Variants in MPDZ observed in about 807,000 individuals in gnomAD.
MPDZ encodes the protein multiple PDZ domain crumbs cell polarity complex component.
In MPDZ, 234 loss-of-function variants were observed where a neutral mutation model predicts 239.1. The observed-to-expected ratio is 0.98, with a 90% confidence interval of 0.88 to 1.09. MPDZ has a LOEUF of 1.09. Ranked by LOEUF, MPDZ falls within the 50% of genes least tolerant of loss-of-function variation. MPDZ has a pLI of 0.00. For synonymous variants in MPDZ, 1,048 were observed against 881.3 expected (o/e 1.19, Z -3.35); for missense variants, 3,175 against 2,510.0 (o/e 1.26, Z -5.66).
At position 13,188,784 on chromosome 9, in the gene MPDZ, G is replaced by A. The variant is rs769078887; in HGVS notation, c.2364C>T (p.Pro788=). ...TVRIGVAKPL[P]LSPEEGYVSA... is the part of the protein sequence containing the mutation. ...GAAGCAATAAAGTCTGAATTCTTAC[G>A]GGTAAAGGCTTAGCAACTCCTATTC... The change falls in exon 17 of 47, where the codon CCC becomes CCT. Residue 788 remains proline, a splice_region_variant and synonymous_variant. Coordinates refer to ENST00000319217, the MANE Select transcript of MPDZ (RefSeq NM_001378778.1). 3.9e-5 allele frequency: 62 copies of A among 1,609,004 alleles called. No homozygotes were observed. Among genetic ancestry groups the A allele is most frequent in the South Asian group, 2.7e-4 (24 of 90,562 alleles).
In MPDZ at chr9:13,110,626, A is replaced by T; in HGVS notation, c.5829+10T>A. On this transcript the variant is annotated intron_variant, in intron 44 of 46. Coordinates refer to ENST00000319217, the MANE Select transcript of MPDZ (RefSeq NM_001378778.1). ...TATATTCTGAATTATGCTTGGGATA[A>T]AAATCTTACCTGCATTTCAATGGAG... 3 of 1,608,460 alleles carry T rather than the reference A, an allele frequency of 1.9e-6. No individual in the cohort carries two copies. In the East Asian group the frequency reaches 6.7e-5, roughly 36 times the overall value.
chr9:13,277,322 A>G (rs186538552), intron 1 of MPDZ, among the ~76,000 whole-genome samples: 6 of 152,354 alleles, frequency 3.9e-5, no homozygotes, highest in Admixed American at 3.9e-4. Context: ...AAGGAAAAAA[A>G]AAGGAACATA....
At chr9:13,180,168 T>C (rs1337200138) in intron 19 of MPDZ, among the ~76,000 whole-genome samples, 3 of 152,162 alleles carry the variant, frequency 2.0e-5, no homozygotes, top group Admixed American at 6.6e-5. Context: ...TAAGAAATAG[T>C]ATCAACATTC....
chr9:13,143,234 C>T (rs922945160), intron 27 of MPDZ, among the ~76,000 whole-genome samples: 2 of 152,068 alleles, frequency 1.3e-5, no homozygotes, highest in African/African-American at 4.8e-5. Flanking sequence ...TCATGATTCT[C>T]CCTTACTCTT....
At chr9:13,138,708 C>A (rs1947208740) in intron 28 of MPDZ, among the ~76,000 whole-genome samples, 1 of 152,142 alleles carries the variant, frequency 6.6e-6, no homozygotes, top group Admixed American at 6.5e-5. Flanking sequence ...TGAGATGAGA[C>A]CATTTACATC....
intron 1 of MPDZ, among the ~76,000 whole-genome samples, chr9:13,256,576 G>A (rs1180448837): frequency 6.6e-6 from 1 of 152,170 alleles, no homozygotes; most frequent in East Asian, 1.9e-4. Flanking sequence ...TCTGTGTCAG[G>A]GAATAGAGAG....
At chr9:13,193,520 G>A (rs963883481) in intron 13 of MPDZ, among the ~76,000 whole-genome samples, 2 of 152,106 alleles carry the variant, frequency 1.3e-5, no homozygotes, top group Non-Finnish European at 2.9e-5. Flanking sequence ...AAACTGAAAG[G>A]AAGCAGTGAG....
At chr9:13,157,820 CAT>C (rs556917895) in intron 24 of MPDZ, among the ~76,000 whole-genome samples, 196 bp downstream of exon 24, 1 of 152,066 alleles carries the variant, frequency 6.6e-6, no homozygotes, top group Non-Finnish European at 1.5e-5. Flanking sequence ...CAGATATCTC[CAT>C]ATATGTTAGT....
At chr9:13,251,684 G>A (rs1391866383) in intron 1 of MPDZ, among the ~76,000 whole-genome samples, 1 of 152,130 alleles carries the variant, frequency 6.6e-6, no homozygotes, top group Admixed American at 6.5e-5. Flanking sequence ...TGGCAAAAAG[G>A]GAAGTATGTG....
chr9:13,255,519 T>C (rs1055982174), intron 1 of MPDZ, among the ~76,000 whole-genome samples: 2 of 152,210 alleles, frequency 1.3e-5, no homozygotes, highest in Non-Finnish European at 2.9e-5. Context: ...TTTTCAATAA[T>C]AAGACTTGAA....
In MPDZ at chr9:13,112,089, C is replaced by T. The variant is rs1942586883; in HGVS notation, c.5659G>A (p.Asp1887Asn). The T allele has an allele frequency of 3.1e-6, 5 of 1,613,580 alleles. No homozygotes were observed. Among genetic ancestry groups the T allele is most frequent in the Non-Finnish European group, 4.2e-6 (5 of 1,179,568 alleles). The change falls in exon 43 of 47, where the codon GAT becomes AAT. Residue 1887 changes from aspartate to asparagine, a missense_variant. Coordinates refer to ENST00000319217, the MANE Select transcript of MPDZ (RefSeq NM_001378778.1). ...ATCATTGCAATAAATATAGGCACAT[C>T]ACCAAGTGGGCTGCCTACTCCTCCA... is the stretch of plus-strand genomic sequence containing the variant. ...IAGGVGSPLGDVPIFIAMMHP... is the reference protein window; with the variant it reads ...IAGGVGSPLGNVPIFIAMMHP...
intron 32 of MPDZ, among the ~76,000 whole-genome samples, chr9:13,128,772 C>T (rs1236425951): frequency 1.3e-5 from 2 of 152,190 alleles, no homozygotes; most frequent in African/African-American, 2.4e-5. Context: ...AAGGCTTGAA[C>T]AGCCATCCTC....
At chr9:13,129,781 G>C (rs1375576056) in intron 32 of MPDZ, among the ~76,000 whole-genome samples, 2 of 151,936 alleles carry the variant, frequency 1.3e-5, no homozygotes, top group Non-Finnish European at 2.9e-5. Flanking sequence ...ATGTTTCCCA[G>C]GCTGGTCTTG....
At chr9:13,141,103 A>G (rs896597399) in intron 27 of MPDZ, among the ~76,000 whole-genome samples, 1 of 152,094 alleles carries the variant, frequency 6.6e-6, no homozygotes, top group Admixed American at 6.6e-5. Context: ...TTTCGAAAAA[A>G]AAAAAAAAAA....
chr9:13,215,317 A>G (rs1012158396), intron 10 of MPDZ, among the ~76,000 whole-genome samples: 22 of 151,814 alleles, frequency 1.4e-4, no homozygotes, highest in African/African-American at 5.3e-4. Context: ...ACTGAATAAC[A>G]TTCTATTGGA....
chr9:13,236,967 G>A (rs561482848), intron 3 of MPDZ, among the ~76,000 whole-genome samples: 81 of 151,354 alleles, frequency 5.4e-4, no homozygotes, highest in African/African-American at 1.8e-3. Context: ...ATTGTTACTG[G>A]GTGGATAGAA....
intron 22 of MPDZ, among the ~76,000 whole-genome samples, chr9:13,167,756 A>C (rs1951256008): frequency 6.6e-6 from 1 of 152,148 alleles, no homozygotes; most frequent in African/African-American, 2.4e-5. Context: ...GTGACTTAAA[A>C]AACAAACCAC....
At chr9:13,209,388 C>T (rs1049809577) in intron 10 of MPDZ, among the ~76,000 whole-genome samples, 7 of 152,176 alleles carry the variant, frequency 4.6e-5, no homozygotes, top group African/African-American at 1.7e-4. Flanking sequence ...CCACTGGTTT[C>T]CTCTTCATTT....
At chr9:13,265,756 G>A (rs888668293) in intron 1 of MPDZ, among the ~76,000 whole-genome samples, 3 of 152,088 alleles carry the variant, frequency 2.0e-5, no homozygotes, top group Admixed American at 6.5e-5. Context: ...GTGAGATCTC[G>A]ATGACACTGG....
Sources: allele counts gnomAD v4.1 joint callset (sites outside exome capture counted in the v4.1 genomes callset), GRCh38; gene constraint gnomAD v4.1.1; transcripts MANE v1.5; gene names NCBI Gene and HGNC (gene_info 2026-07-23, HGNC 2026-07-21).